The following TNR variants were observed in gnomAD, a reference collection of about 807,000 sequenced individuals.
TNR encodes tenascin R.
In TNR, 45 loss-of-function variants were observed where a neutral mutation model predicts 150.4. That is an observed-to-expected ratio of 0.30 (90% confidence interval 0.24 to 0.38). The LOEUF is 0.38. Among genes scored for constraint, TNR ranks in the 10% least tolerant of loss-of-function variants. TNR has a pLI of 1.00. For missense variants in TNR, 1,544 were observed against 1,759.1 expected (o/e 0.88, Z 2.19); for synonymous variants, 687 against 678.4 (o/e 1.01, Z -0.20).
At chr1:175,339,753 C>A (rs1029619343) in intron 18 of TNR, among the ~76,000 whole-genome samples, 1 of 152,144 alleles carries the variant, frequency 6.6e-6, no homozygotes, top group Admixed American at 6.5e-5. Flanking sequence ...GGAGCCAGAA[C>A]CCCAAATTTC....
chr1:175,569,164 C>T (rs1441984641), intron 1 of TNR, among the ~76,000 whole-genome samples: 1 of 152,140 alleles, frequency 6.6e-6, no homozygotes, highest in Non-Finnish European at 1.5e-5. Flanking sequence ...AAAGTTGCAT[C>T]TCAATTGCAC....
chr1:175,513,372 C>T (rs983238817), intron 2 of TNR, among the ~76,000 whole-genome samples: 7 of 152,132 alleles, frequency 4.6e-5, no homozygotes, highest in African/African-American at 2.4e-5. Context: ...AAAAAGAAAT[C>T]GAACACATGT....
chr1:175,375,528 G>T (rs1008597307), intron 9 of TNR, among the ~76,000 whole-genome samples: 5 of 152,042 alleles, frequency 3.3e-5, no homozygotes, highest in African/African-American at 1.2e-4. Context: ...GTGTGGCAGA[G>T]GGCAACATTT....
chr1:175,526,624 A>G lies in TNR; in HGVS notation c.-64+1645T>C, dbSNP rs889034330. Among the ~76,000 whole-genome samples, 19 of 152,210 alleles carry G rather than the reference A, an allele frequency of 1.2e-4. 1 individual carries two copies. The highest frequency in any genetic ancestry group is 9.8e-4 in the Admixed American group (15 of 15,282). On this transcript the variant is annotated intron_variant, in intron 2 of 22. Transcript: ENST00000367674. ...TTATCTCAATTTGGCAAGAAGCTGA[A>G]AACCTATCTGGGACCATTTAAATTC...
intron 1 of TNR, among the ~76,000 whole-genome samples, chr1:175,653,568 G>A (rs1389589900): frequency 6.6e-6 from 1 of 152,188 alleles, no homozygotes; most frequent in Non-Finnish European, 1.5e-5. Flanking sequence ...AAGAATACAA[G>A]AGAGGGGTCT....
intron 14 of TNR, among the ~76,000 whole-genome samples, chr1:175,361,149 A>C (rs1390523556): frequency 1.3e-5 from 2 of 151,970 alleles, no homozygotes; most frequent in Non-Finnish European, 2.9e-5. Flanking sequence ...GTAGCCTTGG[A>C]CTCCTGGATT....
chr1:175,602,713 G>T (rs895624094), intron 1 of TNR, among the ~76,000 whole-genome samples: 1 of 152,154 alleles, frequency 6.6e-6, no homozygotes, highest in African/African-American at 2.4e-5. Flanking sequence ...ATCCAAGAAA[G>T]AAATCTCTAT....
chr1:175,673,066 G>A (rs759027796), intron 1 of TNR, among the ~76,000 whole-genome samples: 1 of 152,122 alleles, frequency 6.6e-6, no homozygotes, highest in Non-Finnish European at 1.5e-5. Context: ...TCCCAAAGCA[G>A]GTGCATCTGC....
rs1323776282 is a variant in TNR, at chr1:175,322,594, A to C, written c.*763T>G. On this transcript the variant is annotated 3_prime_UTR_variant, in exon 23 of 23. Coordinates refer to ENST00000367674, the MANE Select transcript of TNR (RefSeq NM_003285.3). Reference sequence around the variant, plus strand: ...GGAGTTTGTGACCAGCCTGGACAACACAGTGAGACCCCCATCTCTACAAAA... The same window carrying C: ...GGAGTTTGTGACCAGCCTGGACAACCCAGTGAGACCCCCATCTCTACAAAA... 1.3e-5 allele frequency: 2 copies of C among 152,414 alleles called. No homozygotes were observed. Among genetic ancestry groups the C allele is most frequent in the African/African-American group, 4.8e-5 (2 of 41,574 alleles). The allele number at this position is 152,414 out of a possible 1,614,324, so 9.4% of individuals were successfully genotyped here.
intron 2 of TNR, among the ~76,000 whole-genome samples, chr1:175,473,555 C>A (rs577919019): frequency 7.2e-5 from 11 of 152,280 alleles, no homozygotes; most frequent in Admixed American, 7.2e-4. Context: ...GACTTCTCAG[C>A]CATGTAGGAA....
chr1:175,455,732 G>A (rs949000423), intron 2 of TNR, among the ~76,000 whole-genome samples: 11 of 152,180 alleles, frequency 7.2e-5, no homozygotes, highest in African/African-American at 2.7e-4. Flanking sequence ...AGAACTTGAG[G>A]TTGGCAATGA....
chr1:175,402,296 A>G, intron 4 of TNR, among the ~76,000 whole-genome samples: 1 of 123,852 alleles, frequency 8.1e-6, no homozygotes, highest in Non-Finnish European at 1.6e-5. Flanking sequence ...CCTGGGCGAC[A>G]GAGCGAGACT....
At chr1:175,644,209 A>G (rs1027294214) in intron 1 of TNR, among the ~76,000 whole-genome samples, 2 of 152,218 alleles carry the variant, frequency 1.3e-5, no homozygotes, top group Non-Finnish European at 2.9e-5. Context: ...AATGTGCATC[A>G]ACAGACACAT....
At chr1:175,360,368 G>A (rs1234763132) in intron 14 of TNR, among the ~76,000 whole-genome samples, 1 of 152,162 alleles carries the variant, frequency 6.6e-6, no homozygotes, top group African/African-American at 2.4e-5. Flanking sequence ...CTGAGTCCTT[G>A]GTATTCTTTT....
chr1:175,378,056 A>G (rs540205761), intron 9 of TNR, among the ~76,000 whole-genome samples: 1 of 152,304 alleles, frequency 6.6e-6, no homozygotes, highest in Non-Finnish European at 1.5e-5. Flanking sequence ...ACACTGCCTT[A>G]GTCCATGCCA....
intron 2 of TNR, among the ~76,000 whole-genome samples, chr1:175,474,918 T>G (rs866081795): frequency 7.9e-5 from 12 of 152,344 alleles, no homozygotes; most frequent in African/African-American, 2.9e-4. Context: ...CCTCTCTGAC[T>G]TCATCAACTG....
At chr1:175,443,888 C>A (rs1451120706) in intron 2 of TNR, among the ~76,000 whole-genome samples, 1 of 152,160 alleles carries the variant, frequency 6.6e-6, no homozygotes, top group Admixed American at 6.5e-5. Flanking sequence ...CCTACAAATG[C>A]TCTGGTTAGG....
chr1:175,503,087 T>C (rs1478280942), intron 2 of TNR, among the ~76,000 whole-genome samples: 1 of 151,542 alleles, frequency 6.6e-6, no homozygotes, highest in Non-Finnish European at 1.5e-5. Flanking sequence ...CCCGCCGCAG[T>C]GGCGCATGAG....
At chr1:175,506,669 G>A (rs546039546) in intron 2 of TNR, among the ~76,000 whole-genome samples, 12 of 152,324 alleles carry the variant, frequency 7.9e-5, no homozygotes, top group African/African-American at 2.6e-4. Flanking sequence ...CTTTGATCTT[G>A]GACTTCAGCC....
Sources: allele counts gnomAD v4.1 joint callset (sites outside exome capture counted in the v4.1 genomes callset), GRCh38; gene constraint gnomAD v4.1.1; transcripts MANE v1.5; gene names NCBI Gene and HGNC (gene_info 2026-07-23, HGNC 2026-07-21).